FAM81A: variants seen among roughly 807,000 people sequenced by gnomAD.
The protein encoded by FAM81A is protein FAM81A.
Under a neutral mutation model 46.7 loss-of-function variants are expected in FAM81A, and 19 were observed. That is an observed-to-expected ratio of 0.41 (90% CI 0.28 to 0.60). The LOEUF is 0.60. Among genes scored for constraint, FAM81A ranks in the 20% least tolerant of loss-of-function variants. The probability of loss-of-function intolerance (pLI) is 0.34; values close to 1 mark genes in which losing one functional copy is unlikely to be tolerated. For synonymous variants in FAM81A, 183 were observed against 152.9 expected (o/e 1.20, Z -1.45); for missense variants, 377 against 453.5 (o/e 0.83, Z 1.53).
chr15:59,511,869 T>C lies in FAM81A; in HGVS notation c.651-2420T>C, dbSNP rs2082212933. Reference sequence around the variant, plus strand: ...TTTCACCATGTTAGCCAGGATGGTCTCAATCTCCTGACCTCGTGATCTGCC... The same window carrying C: ...TTTCACCATGTTAGCCAGGATGGTCCCAATCTCCTGACCTCGTGATCTGCC... On this transcript the variant is annotated intron_variant, in intron 6 of 8. Transcript: ENST00000288228. Among the ~76,000 whole-genome samples, 3 of 152,182 alleles carry C rather than the reference T, an allele frequency of 2.0e-5. No individual in the cohort carries two copies. In the South Asian group the frequency reaches 6.2e-4, roughly 32 times the overall value.
rs542190798 is a variant in FAM81A, at chr15:59,517,329, T to C, written c.982+489T>C. On this transcript the variant is annotated intron_variant, in intron 8 of 8. Transcript: ENST00000288228. ...TTCAAGTTCTGAGTGCTGTCATATA[T>C]GGGAGGGATTAGATTTACGCTCTGA... Among the ~76,000 whole-genome samples the C allele has an allele frequency of 1.3e-3, 193 of 152,220 alleles. 1 individual carries two copies. The highest frequency in any genetic ancestry group is 0.01 in the Middle Eastern group (3 of 294).
chr15:59,449,496 T>G (rs534419250), intron 1 of FAM81A, among the ~76,000 whole-genome samples: 1 of 152,172 alleles, frequency 6.6e-6, no homozygotes, highest in Non-Finnish European at 1.5e-5. Flanking sequence ...AAAATGACAT[T>G]GTAGGCCGGG....
Position 59,492,296 on chromosome 15 carries a change from G to T in FAM81A, c.320G>T (p.Arg107Leu). Residue 107 changes from arginine to leucine, a missense_variant, in exon 4 of 9, where the codon CGG becomes CTG. Arg to Leu is a moderately radical substitution (Grantham distance 102, BLOSUM62 -2). Transcript: ENST00000288228. ...IEVLQEQIRA[R>L]DNISYGTNSA... ...GTACTCCAGGAGCAGATTCGTGCCC[G>T]GGACAACATTAGCTATGGAACTAAT... 2 of 1,613,344 alleles carry T rather than the reference G, an allele frequency of 1.2e-6. No individual in the cohort carries two copies. The highest frequency in any genetic ancestry group is 1.7e-6 in the Non-Finnish European group (2 of 1,179,630).
chr15:59,506,508 G>A (rs1485742842), intron 4 of FAM81A, among the ~76,000 whole-genome samples: 1 of 152,150 alleles, frequency 6.6e-6, no homozygotes, highest in Non-Finnish European at 1.5e-5. Context: ...ATGGCATTCT[G>A]TCTCTACTGA....
chr15:59,521,617 C>G lies in FAM81A; in HGVS notation c.*239C>G. On this transcript the variant is annotated 3_prime_UTR_variant, in exon 9 of 9. Transcript: ENST00000288228. The stretch of plus-strand genomic sequence containing the variant: ...CTTCTCTAAATTCAATGGAAATCCC[C>G]CGCCCTGGATTTTGAAAGGCTTTTA... 2.6e-6 allele frequency: 1 copy of G among 380,370 alleles called. No individual in the cohort carries two copies. Among genetic ancestry groups the G allele is most frequent in the Non-Finnish European group, 4.5e-6 (1 of 223,556 alleles). The allele number at this position is 380,370 out of a possible 1,614,324, so 23.6% of individuals were successfully genotyped here. A position where few individuals can be genotyped will look rare whatever the true frequency, so the allele number is the denominator to read the frequency against.
At chr15:59,413,487 G>A (rs1215988773) in intron 2 of FAM81A, among the ~76,000 whole-genome samples, 1 of 151,266 alleles carries the variant, frequency 6.6e-6, no homozygotes, top group Non-Finnish European at 1.5e-5. Context: ...ATCACACCCT[G>A]TGAACTGAGG....
chr15:59,515,437 ACT>A (rs2141839338), intron 7 of FAM81A, among the ~76,000 whole-genome samples: 1 of 151,958 alleles, frequency 6.6e-6, no homozygotes, highest in East Asian at 1.9e-4. Flanking sequence ...TACATCTCTG[ACT>A]CTGCTCTCTC....
At chr15:59,425,516 A>G (rs2081191258) in intron 2 of FAM81A, among the ~76,000 whole-genome samples, 1 of 152,224 alleles carries the variant, frequency 6.6e-6, no homozygotes, top group Admixed American at 6.5e-5. Context: ...ATTGCTTTAT[A>G]AAGTATTATT....
intron 2 of FAM81A, among the ~76,000 whole-genome samples, chr15:59,410,468 G>A (rs2081115580): frequency 6.6e-6 from 1 of 152,164 alleles, no homozygotes; most frequent in African/African-American, 2.4e-5. Context: ...ATCCTCCTCT[G>A]TGCCTCCCAC....
chr15:59,507,379 AT>A, intron 5 of FAM81A, 37 bp downstream of exon 5: 1 of 1,600,214 alleles, frequency 6.2e-7, no homozygotes, highest in Non-Finnish European at 8.5e-7. Flanking sequence ...GAAGCGGGTA[AT>A]TTGTTCTTAG....
At chr15:59,512,333 A>C (rs2082219543) in intron 6 of FAM81A, among the ~76,000 whole-genome samples, 1 of 151,908 alleles carries the variant, frequency 6.6e-6, no homozygotes, top group South Asian at 2.1e-4. Context: ...TTAGCTGGGC[A>C]TGGTGGTGCG....
intron 1 of FAM81A, among the ~76,000 whole-genome samples, chr15:59,443,278 C>T (rs1469658311): frequency 6.6e-6 from 1 of 152,168 alleles, no homozygotes; most frequent in Non-Finnish European, 1.5e-5. Context: ...GACAGTGTTT[C>T]ACCACGTTGG....
chr15:59,401,448 A>G, intron 1 of FAM81A: 1 of 794,576 alleles, frequency 1.3e-6, no homozygotes, highest in Non-Finnish European at 2.3e-6. Context: ...AGTTCAGGAT[A>G]TGTTACATGG....
chr15:59,475,715 G>A (rs907198638), intron 3 of FAM81A, among the ~76,000 whole-genome samples: 2 of 152,078 alleles, frequency 1.3e-5, no homozygotes, highest in Non-Finnish European at 2.9e-5. Flanking sequence ...TTTGTAACTG[G>A]TAGTAACTAT....
At chr15:59,507,188 T>C (rs1324250203) in intron 4 of FAM81A, 25 bp from the exon 5 acceptor site, 28 of 1,598,964 alleles carry the variant, frequency 1.8e-5, no homozygotes, top group Non-Finnish European at 2.4e-5. Flanking sequence ...TTAATAAGAA[T>C]CAGCTTTGTT....
intron 1 of FAM81A, among the ~76,000 whole-genome samples, chr15:59,454,136 ACT>A (rs776599748): frequency 8.6e-5 from 13 of 151,864 alleles, no homozygotes; most frequent in African/African-American, 2.9e-4. Context: ...CTATCCTTTC[ACT>A]CTGTTTTTAG....
chr15:59,407,181 A>T (rs2081099029), intron 2 of FAM81A: 1 of 155,954 alleles, frequency 6.4e-6, no homozygotes, highest in African/African-American at 2.4e-5. Context: ...CCTGTGGACT[A>T]GACATCCCAG....
At chr15:59,505,033 T>C (rs142935291) in intron 4 of FAM81A, among the ~76,000 whole-genome samples, 173 of 152,342 alleles carry the variant, frequency 1.1e-3, no homozygotes, top group African/African-American at 4.0e-3. Flanking sequence ...TATTGCTTCT[T>C]TGCCATTATC....
At chr15:59,490,480 C>G (rs1389708708) in intron 3 of FAM81A, among the ~76,000 whole-genome samples, 1 of 152,100 alleles carries the variant, frequency 6.6e-6, no homozygotes, top group Non-Finnish European at 1.5e-5. Context: ...ATGGCAAACA[C>G]AGGTATATGA....
Sources: gnomAD v4.1 joint callset for allele counts (sites outside exome capture counted in the v4.1 genomes callset) on GRCh38, gnomAD v4.1.1 for gene constraint, MANE v1.5 for transcripts, NCBI Gene and HGNC (gene_info 2026-07-23, HGNC 2026-07-21) for gene names.